DGKH: variants seen among roughly 807,000 people sequenced by gnomAD.
DGKH encodes DAG kinase eta.
In DGKH, 90 loss-of-function variants were observed where a neutral mutation model predicts 159.3. The ratio of observed to expected loss-of-function variants is 0.57; its 90% CI spans 0.48 to 0.67. The LOEUF (loss-of-function observed/expected upper bound fraction) is 0.67, where lower values mean the gene tolerates loss of function less well. Among genes scored for constraint, DGKH ranks in the 30% least tolerant of loss-of-function variants. The pLI is 0.00. For synonymous variants in DGKH, 536 were observed against 553.8 expected, an observed-to-expected ratio of 0.97 and a Z score of 0.45; for missense variants, 1,181 against 1,506.1, an observed-to-expected ratio of 0.78 and a Z score of 3.57.
chr13:42,111,078 A>T (rs189146673), intron 1 of DGKH, among the ~76,000 whole-genome samples: 199 of 152,338 alleles, frequency 1.3e-3, no homozygotes, highest in African/African-American at 4.6e-3. Flanking sequence ...AAAAAGAAAA[A>T]TACATTCAGA....
intron 1 of DGKH, among the ~76,000 whole-genome samples, chr13:42,112,096 A>G (rs1266203295): frequency 1.3e-5 from 2 of 152,256 alleles, no homozygotes; most frequent in Non-Finnish European, 2.9e-5. Flanking sequence ...CCAGAATCAG[A>G]ACATGTGTGT....
rs238350 is a variant in DGKH, at chr13:42,231,246, C to T, written c.*2058C>T. ...GCACGCACCTGTAATCCCAGCTACT[C>T]GGGAGGCTGAGGCAGGAGAATTGCT... is the stretch of plus-strand genomic sequence containing the variant. On this transcript the variant is annotated 3_prime_UTR_variant, in exon 30 of 30. Transcript: ENST00000337343. 0.5 allele frequency: 75,081 copies of T among 151,336 alleles called. 18,792 individuals carry two copies. The highest frequency in any genetic ancestry group is 0.66 in the East Asian group (3,390 of 5,148). The allele number at this position is 151,336 out of a possible 1,614,324, so 9.4% of individuals were successfully genotyped here. A position where few individuals can be genotyped will look rare whatever the true frequency, so the allele number is the denominator to read the frequency against.
At chr13:42,053,366 A>G (rs1480575915) in intron 1 of DGKH, among the ~76,000 whole-genome samples, 2 of 147,884 alleles carry the variant, frequency 1.4e-5, no homozygotes, top group Admixed American at 6.8e-5. Flanking sequence ...ATATATAACT[A>G]TATATATAAC....
At position 42,235,135 on chromosome 13, in the gene DGKH, A is replaced by T. The variant is rs1171690370; in HGVS notation, c.*5947A>T. 1 of 152,180 alleles carries T rather than the reference A, an allele frequency of 6.6e-6. No homozygotes were observed. Among genetic ancestry groups the T allele is most frequent in the Non-Finnish European group, 1.5e-5 (1 of 68,026 alleles). 9.4% of individuals were successfully genotyped at this position (152,180 alleles called of 1,614,324 possible). On this transcript the variant is annotated 3_prime_UTR_variant, in exon 30 of 30. Coordinates refer to ENST00000337343, the MANE Select transcript of DGKH (RefSeq NM_178009.5). ...TTAGGAAAAGAAGTTTAACAGAGTA[A>T]CTCAGACTGAGACTGTTAAACTCTG...
chr13:42,045,869 C>T (rs115143412), upstream of DGKH, among the ~76,000 whole-genome samples: 850 of 152,296 alleles, frequency 5.6e-3, 14 homozygotes, highest in African/African-American at 0.019. Flanking sequence ...GAGTAGTGAT[C>T]AGTAAAAATA....
At chr13:42,253,665 A>G (rs1676813403) in intron 30 of DGKH, among the ~76,000 whole-genome samples, 1 of 152,202 alleles carries the variant, frequency 6.6e-6, no homozygotes, top group Non-Finnish European at 1.5e-5. Context: ...TGGGAATAAT[A>G]AAAATAACGC....
chr13:42,041,322 C>A (rs1455548468), intron 1 of DGKH, among the ~76,000 whole-genome samples: 1 of 152,124 alleles, frequency 6.6e-6, no homozygotes, highest in South Asian at 2.1e-4. Context: ...GCGCCCTGGT[C>A]GTCACCTGGG....
chr13:42,069,683 TG>T lies in DGKH; in HGVS notation c.192+20721del, dbSNP rs112039308. On this transcript the variant is annotated intron_variant, in intron 1 of 29. Transcript: ENST00000337343. ...CAATTGGAAAGATCTGTAATAAGCT[TG>T]GGTTCATAGTAACAGTTAACTTCAT... 452 of 1,198,194 alleles carry T rather than the reference TG, an allele frequency of 3.8e-4. 3 individuals carry two copies. The African/African-American group carries it at 5.7e-3, about 15-fold the overall frequency. 74.2% of individuals were successfully genotyped at this position (1,198,194 alleles called of 1,614,324 possible).
At chr13:42,110,827 T>C (rs1346737936) in intron 1 of DGKH, among the ~76,000 whole-genome samples, 3 of 152,250 alleles carry the variant, frequency 2.0e-5, no homozygotes, top group Non-Finnish European at 4.4e-5. Flanking sequence ...ATACAGCATG[T>C]ACATTTTGTA....
intron 3 of DGKH, among the ~76,000 whole-genome samples, chr13:42,143,634 G>A (rs1955634668): frequency 6.6e-6 from 1 of 152,142 alleles, no homozygotes; most frequent in African/African-American, 2.4e-5. Context: ...TTGGGAGGGT[G>A]TATGTGTCGA....
chr13:42,128,335 A>G (rs1428882694), intron 2 of DGKH, among the ~76,000 whole-genome samples: 1 of 151,804 alleles, frequency 6.6e-6, no homozygotes. Context: ...TCCTGATATA[A>G]TTGGTAGGGT....
rs573745005 is a variant in DGKH at position 42,098,983 on chromosome 13, A to G, written c.193-28480A>G. On this transcript the variant is annotated intron_variant, in intron 1 of 29. Coordinates refer to ENST00000337343, the MANE Select transcript of DGKH (RefSeq NM_178009.5). ...AACATGATTAAATGCCAAATTCTAT[A>G]TTAGACTTAATTGCAATAGAAGGTC... Among the ~76,000 whole-genome samples the G allele has an allele frequency of 6.6e-5, 10 of 152,356 alleles. No homozygotes were observed. In the South Asian group the frequency reaches 1.9e-3, roughly 28 times the overall value.
Position 42,230,171 on chromosome 13 carries a change from T to C in DGKH, c.*983T>C, listed in dbSNP as rs1958249865. The C allele has an allele frequency of 6.8e-6, 1 of 147,668 alleles. No individual in the cohort carries two copies. Among genetic ancestry groups the C allele is most frequent in the African/African-American group, 2.4e-5 (1 of 40,986 alleles). The allele number at this position is 147,668 out of a possible 1,614,324, so 9.1% of individuals were successfully genotyped here. A position where few individuals can be genotyped will look rare whatever the true frequency, so the allele number is the denominator to read the frequency against. On this transcript the variant is annotated 3_prime_UTR_variant, in exon 30 of 30. Transcript: ENST00000337343. Reference sequence around the variant, plus strand: ...TAATTTCAATTTAATAATTATTTAATATTCTATTTGAATTTATAATATAGT... The same window carrying C: ...TAATTTCAATTTAATAATTATTTAACATTCTATTTGAATTTATAATATAGT...
rs1958462028 is a variant in DGKH at position 42,238,544 on chromosome 13, C to A, written c.*9356C>A. 1 of 152,148 alleles carries A rather than the reference C, an allele frequency of 6.6e-6. No individual in the cohort carries two copies. Among genetic ancestry groups the A allele is most frequent in the African/African-American group, 2.4e-5 (1 of 41,436 alleles). 9.4% of individuals were successfully genotyped at this position (152,148 alleles called of 1,614,324 possible). A position where few individuals can be genotyped will look rare whatever the true frequency, so the allele number is the denominator to read the frequency against. ...TTTAACTCCCCAAAGAGGAAAATGT[C>A]TCTTTAAACCAGTAGTTAAAAAGAT... On this transcript the variant is annotated 3_prime_UTR_variant, in exon 30 of 30. Coordinates refer to ENST00000337343, the MANE Select transcript of DGKH (RefSeq NM_178009.5).
rs1880976268 is a variant in DGKH at position 42,048,692 on chromosome 13, C to A, written c.-82C>A. On this transcript the variant is annotated 5_prime_UTR_variant, in exon 1 of 30. Coordinates refer to ENST00000337343, the MANE Select transcript of DGKH (RefSeq NM_178009.5). The surrounding 1 kb of genome is among the most constrained non-coding windows in gnomAD (Gnocchi z 6.7). ...CGGCGGCCGGGCACGGGGTTCCGGG[C>A]TCCGCTCGGGCAGAGCCCACCCGCT... 8.2e-7 allele frequency: 1 copy of A among 1,221,086 alleles called. No homozygotes were observed. Among genetic ancestry groups the A allele is most frequent in the Non-Finnish European group, 1.0e-6 (1 of 977,164 alleles). 75.6% of individuals were successfully genotyped at this position (1,221,086 alleles called of 1,614,324 possible).
chr13:42,155,158 TA>T (rs1956012171), intron 3 of DGKH, 132 bp from the exon 4 acceptor site: 10 of 706,462 alleles, frequency 1.4e-5, no homozygotes, highest in Non-Finnish European at 2.3e-5. Flanking sequence ...CACATTATTT[TA>T]TCATACAGAT....
At chr13:42,134,122 T>C (rs936911468) in intron 3 of DGKH, among the ~76,000 whole-genome samples, 5 of 152,224 alleles carry the variant, frequency 3.3e-5, no homozygotes, top group African/African-American at 1.2e-4. Context: ...GGAAAACCTG[T>C]GCTTTGCCTG....
rs114208310 is a variant in DGKH, at chr13:42,210,586, T to C, written c.2851-16T>C. On this transcript the variant is annotated splice_polypyrimidine_tract_variant and intron_variant, in intron 23 of 29. Coordinates refer to ENST00000337343, the MANE Select transcript of DGKH (RefSeq NM_178009.5). ...GTTCTAAACTAACAATTCGTTACAA[T>C]ATTGACTTTAAATAGGCCTTTGAGA... is the stretch of plus-strand genomic sequence containing the variant. 1.5e-4 allele frequency: 247 copies of C among 1,608,978 alleles called. No homozygotes were observed. In the African/African-American group the frequency reaches 3.2e-3, roughly 21 times the overall value.
At chr13:42,227,895 C>T (rs746310119) in intron 29 of DGKH, among the ~76,000 whole-genome samples, 64 of 152,158 alleles carry the variant, frequency 4.2e-4, no homozygotes, top group Admixed American at 3.4e-3. Flanking sequence ...AATTATAAAA[C>T]AGGGTGGATA....
Sources: gnomAD v4.1 joint callset for allele counts (sites outside exome capture counted in the v4.1 genomes callset) on GRCh38, gnomAD v4.1.1 for gene constraint, Gnocchi (gnomAD v3.1) non-coding constraint, MANE v1.5 for transcripts, NCBI Gene and HGNC (gene_info 2026-07-23, HGNC 2026-07-21) for gene names.